The following PLCH1 variants were observed in gnomAD, a reference collection of about 807,000 sequenced individuals.
PLCH1 encodes phospholipase C eta 1, also known as 1-phosphatidylinositol 4,5-bisphosphate phosphodiesterase eta-1.
A neutral mutation model predicts 126.7 loss-of-function variants in PLCH1; 60 were observed. The observed-to-expected ratio is 0.47, with a 90% CI of 0.38 to 0.59. PLCH1 has a LOEUF of 0.59. PLCH1 is among the 20% of genes least tolerant of loss of function. The pLI is 0.00. For synonymous variants in PLCH1, 719 were observed against 734.9 expected (o/e 0.98, Z 0.35); for missense variants, 1,723 against 2,040.0 (o/e 0.84, Z 2.99).
At chr3:155,580,813 A>G (rs1018831379) in intron 6 of PLCH1, among the ~76,000 whole-genome samples, 5 of 152,182 alleles carry the variant, frequency 3.3e-5, no homozygotes, top group Non-Finnish European at 2.9e-5. Context: ...GCAAACGTTA[A>G]AAAGCATGTT....
intron 2 of PLCH1, among the ~76,000 whole-genome samples, chr3:155,632,124 C>G (rs1191464693): frequency 6.6e-6 from 1 of 152,072 alleles, no homozygotes; most frequent in East Asian, 1.9e-4. Flanking sequence ...TGTCAGACAC[C>G]GGACATGGCT....
At chr3:155,734,855 C>A (rs1749046087) in intron 1 of PLCH1, among the ~76,000 whole-genome samples, 1 of 151,992 alleles carries the variant, frequency 6.6e-6, no homozygotes, top group South Asian at 2.1e-4. Context: ...ACTACAGGCA[C>A]CCGCCACCAC....
At chr3:155,516,223 C>T (rs1312434580) in intron 11 of PLCH1, among the ~76,000 whole-genome samples, 1 of 152,142 alleles carries the variant, frequency 6.6e-6, no homozygotes, top group Admixed American at 6.5e-5. Flanking sequence ...AATATTCTAC[C>T]CTGGTCATCA....
At chr3:155,664,122 A>G (rs1260820597) in intron 2 of PLCH1, among the ~76,000 whole-genome samples, 1 of 152,238 alleles carries the variant, frequency 6.6e-6, no homozygotes, top group Non-Finnish European at 1.5e-5. Context: ...CCATGTGTTT[A>G]TGTTCAGAAA....
At chr3:155,607,705 G>C (rs996645317) in intron 2 of PLCH1, among the ~76,000 whole-genome samples, 12 of 152,184 alleles carry the variant, frequency 7.9e-5, no homozygotes, top group Non-Finnish European at 1.5e-4. Context: ...GCCTCCCAGA[G>C]TGCTAGGATT....
chr3:155,523,272 G>C (rs1369538351), intron 11 of PLCH1, among the ~76,000 whole-genome samples: 1 of 152,182 alleles, frequency 6.6e-6, no homozygotes, highest in East Asian at 1.9e-4. Flanking sequence ...CACCGCGCCA[G>C]GCCTAAATGA....
rs569769048 is a variant in PLCH1 at position 155,565,816 on chromosome 3, C to T, written c.866-698G>A. On this transcript the variant is annotated intron_variant, in intron 7 of 22. Coordinates refer to ENST00000460012, the MANE Select transcript of PLCH1 (RefSeq NM_014996.4). ...GTTCAAGAGATTCTCCAGCCTCAGC[C>T]TTCTGAGTAGCTGGGACTACAGGCA... Among the ~76,000 whole-genome samples the T allele has an allele frequency of 4.6e-4, 70 of 151,852 alleles. 2 individuals carry two copies. The Middle Eastern group carries it at 0.038, about 82-fold the overall frequency.
intron 8 of PLCH1, among the ~76,000 whole-genome samples, chr3:155,562,777 C>T (rs1010959662): frequency 6.6e-6 from 1 of 152,136 alleles, no homozygotes; most frequent in East Asian, 1.9e-4. Context: ...AACAGGCATG[C>T]GCCCTTTCAA....
At chr3:155,693,741 T>C (rs1379448975) in intron 2 of PLCH1, among the ~76,000 whole-genome samples, 3 of 151,824 alleles carry the variant, frequency 2.0e-5, no homozygotes, top group Non-Finnish European at 4.4e-5. Context: ...ACCAGCCTGG[T>C]CAACATGGTG....
intron 10 of PLCH1, among the ~76,000 whole-genome samples, chr3:155,547,840 C>T (rs375820618): frequency 1.5e-5 from 2 of 133,494 alleles, no homozygotes; most frequent in African/African-American, 2.9e-5. Flanking sequence ...AATTGAACAA[C>T]GAGAACACAT....
chr3:155,539,249 A>AT (rs1723884683), intron 10 of PLCH1, among the ~76,000 whole-genome samples: 1 of 152,204 alleles, frequency 6.6e-6, no homozygotes, highest in Non-Finnish European at 1.5e-5. Context: ...TAGAAGGGAC[A>AT]TACCTTAAGG....
chr3:155,734,270 G>C (rs1425413930), intron 1 of PLCH1, among the ~76,000 whole-genome samples: 9 of 151,926 alleles, frequency 5.9e-5, no homozygotes, highest in South Asian at 4.2e-4. Context: ...ATCAGCCCAG[G>C]CAACATAGTG....
At chr3:155,523,484 T>C (rs2108292819) in intron 11 of PLCH1, among the ~76,000 whole-genome samples, 1 of 151,392 alleles carries the variant, frequency 6.6e-6, no homozygotes, top group South Asian at 2.1e-4. Flanking sequence ...GAGAAGCAGG[T>C]CCACGTGCAG....
chr3:155,728,564 A>G (rs1748517711), intron 1 of PLCH1, among the ~76,000 whole-genome samples: 1 of 152,184 alleles, frequency 6.6e-6, no homozygotes, highest in Non-Finnish European at 1.5e-5. Flanking sequence ...CTAACTCTAA[A>G]GATTTCCTTC....
intron 15 of PLCH1, among the ~76,000 whole-genome samples, chr3:155,496,889 C>A (rs560375124): frequency 3.7e-4 from 57 of 152,172 alleles, no homozygotes; most frequent in Non-Finnish European, 7.5e-4. Context: ...TCACCCAAGT[C>A]AAAACTTTCA....
rs755905682 is a variant in PLCH1, at chr3:155,481,098, C to A, written c.4928G>T (p.Gly1643Val). ...NTKGGGLEGR[G>V]IPEGACTALH... ...AGCCGTGCATGCCCCCTCTGGGATG[C>A]CCCGGCCTTCAAGGCCACCCCCTTT... The change falls in exon 23 of 23, where the codon GGC (glycine) becomes GTC (valine). Residue 1643 changes from glycine to valine, a missense_variant. Around this residue, in one of 2 missense-constraint regions of PLCH1, gnomAD observed 947 missense variants for 977.1 expected, o/e 0.97. Transcript: ENST00000460012. The surrounding 1 kb of genome is among the most constrained non-coding windows in gnomAD (Gnocchi z 4.2). 4 of 1,614,174 alleles carry A rather than the reference C, an allele frequency of 2.5e-6. No individual in the cohort carries two copies. Among genetic ancestry groups the A allele is most frequent in the Middle Eastern group, 1.6e-4 (1 of 6,062 alleles).
intron 21 of PLCH1, chr3:155,485,957 C>G: frequency 1.7e-6 from 1 of 604,760 alleles, no homozygotes. Context: ...GTTTCCTACC[C>G]AGAGATGACA....
At chr3:155,640,560 A>C (rs1446056990) in intron 2 of PLCH1, among the ~76,000 whole-genome samples, 2 of 152,132 alleles carry the variant, frequency 1.3e-5, no homozygotes, top group African/African-American at 4.8e-5. Context: ...TGGTCCTTTA[A>C]CAGCCTATTG....
intron 2 of PLCH1, among the ~76,000 whole-genome samples, chr3:155,695,189 T>C (rs148838060): frequency 1.8e-3 from 274 of 152,338 alleles, no homozygotes; most frequent in African/African-American, 6.4e-3. Context: ...ATGGAAAGTC[T>C]ACAATGAACT....
Sources: gnomAD v4.1 joint callset for allele counts (sites outside exome capture counted in the v4.1 genomes callset) on GRCh38, gnomAD v4.1.1 for gene constraint, gnomAD v4.1.1 regional missense constraint, Gnocchi (gnomAD v3.1) non-coding constraint, MANE v1.5 for transcripts, NCBI Gene and HGNC (gene_info 2026-07-23, HGNC 2026-07-21) for gene names.